TENM2: variants seen among roughly 807,000 people sequenced by gnomAD.
TENM2 encodes teneurin-2.
A neutral mutation model predicts 245.2 loss-of-function variants in TENM2; 52 were observed. The observed-to-expected ratio is 0.21, with a 90% CI of 0.17 to 0.27. TENM2 has a LOEUF of 0.27. TENM2 is among the 10% of genes least tolerant of loss of function. The probability of loss-of-function intolerance (pLI) is 1.00; values close to 1 mark genes in which losing one functional copy is unlikely to be tolerated. For synonymous variants in TENM2, 1,363 were observed against 1,438.9 expected (o/e 0.95, Z 1.19); for missense variants, 3,046 against 3,666.8 (o/e 0.83, Z 4.37).
the TENM2 span, among the ~76,000 whole-genome samples, chr5:167,079,596 A>G: frequency 6.6e-6 from 1 of 151,250 alleles, no homozygotes; most frequent in South Asian, 2.1e-4. Context: ...TACAGGCATG[A>G]GCCACCACAC....
intron 23 of TENM2, among the ~76,000 whole-genome samples, chr5:168,219,450 G>A (rs1328378522): frequency 2.6e-5 from 4 of 152,186 alleles, no homozygotes; most frequent in Non-Finnish European, 5.9e-5. Flanking sequence ...CTTAGCAGAA[G>A]CAGATCGATA....
chr5:167,835,914 A>G lies in TENM2; in HGVS notation c.503-40072A>G, dbSNP rs112577837. On this transcript the variant is annotated intron_variant, in intron 2 of 28. Coordinates refer to ENST00000518659, the Ensembl canonical transcript of TENM2. ...AGGAAGAACACTCAATTGATAAAAC[A>G]ACAGTTACCCCTGGGAAGTGCAAGT... is the stretch of plus-strand genomic sequence containing the variant. Among the ~76,000 whole-genome samples, 42 of 152,316 alleles carry G rather than the reference A, an allele frequency of 2.8e-4. 1 individual carries two copies. Among genetic ancestry groups the G allele is most frequent in the African/African-American group, 9.6e-4 (40 of 41,584 alleles).
intron 2 of TENM2, among the ~76,000 whole-genome samples, chr5:167,385,527 G>T: frequency 1.4e-5 from 2 of 148,126 alleles, no homozygotes. Flanking sequence ...TACTTCCATA[G>T]GTTATTGGAG....
intron 13 of TENM2, among the ~76,000 whole-genome samples, chr5:168,189,754 GT>G (rs1007846724): frequency 3.9e-5 from 6 of 151,942 alleles, no homozygotes; most frequent in African/African-American, 1.2e-4. Flanking sequence ...ATGCATTTTA[GT>G]TTTTTTTAAT....
intron 2 of TENM2, among the ~76,000 whole-genome samples, chr5:167,692,292 C>A (rs1194680780): frequency 6.6e-6 from 1 of 152,150 alleles, no homozygotes; most frequent in Non-Finnish European, 1.5e-5. Flanking sequence ...AAGGCAATTG[C>A]CCCCATTCAC....
chr5:167,067,143 T>G, the TENM2 span, among the ~76,000 whole-genome samples: 1 of 152,224 alleles, frequency 6.6e-6, no homozygotes, highest in Admixed American at 6.5e-5. Flanking sequence ...CTCGTATTTA[T>G]TCATTCAGAA....
intron 14 of TENM2, among the ~76,000 whole-genome samples, chr5:168,192,141 C>A (rs116675829): frequency 6.6e-6 from 1 of 152,200 alleles, no homozygotes; most frequent in African/African-American, 2.4e-5. Flanking sequence ...TATTTAAATA[C>A]GTAAAAGTTG....
chr5:168,247,269 T>G lies in TENM2; in HGVS notation c.6330T>G (p.Thr2110=). 6.2e-7 allele frequency: 1 copy of G among 1,613,840 alleles called. No homozygotes were observed. The change falls in exon 27 of 29, where the codon ACT becomes ACG. Residue 2110 remains threonine, a synonymous_variant. Coordinates refer to ENST00000518659, the Ensembl canonical transcript of TENM2. The surrounding 1 kb of genome is among the most constrained non-coding windows in gnomAD (Gnocchi z 7.8). ...GCATCAAGCCCGTCATAAGTGAGAC[T>G]CCCCTCCCCGTTGACCTCTACCGCT...
chr5:167,203,562 A>G, the TENM2 span, among the ~76,000 whole-genome samples: 1 of 152,168 alleles, frequency 6.6e-6, no homozygotes, highest in African/African-American at 2.4e-5. Flanking sequence ...TTTCTTTCAT[A>G]ACAACTGGAG....
chr5:168,012,756 A>G (rs560658833), intron 5 of TENM2, among the ~76,000 whole-genome samples: 12 of 139,328 alleles, frequency 8.6e-5, no homozygotes, highest in Non-Finnish European at 1.7e-4. Context: ...TTTCAGCTGT[A>G]AGTTATCAAG....
chr5:167,380,291 CA>C (rs1335767526), intron 2 of TENM2, among the ~76,000 whole-genome samples: 1 of 152,048 alleles, frequency 6.6e-6, no homozygotes, highest in Non-Finnish European at 1.5e-5. Context: ...AACATACAAC[CA>C]GAGGCAAAAT....
chr5:167,853,374 G>A (rs961458170), intron 2 of TENM2, among the ~76,000 whole-genome samples: 2 of 149,366 alleles, frequency 1.3e-5, no homozygotes, highest in Non-Finnish European at 3.0e-5. Flanking sequence ...TGGCACTAAT[G>A]AGTTTTCAAA....
At chr5:167,826,137 T>TA (rs1767959080) in intron 2 of TENM2, among the ~76,000 whole-genome samples, 1 of 152,122 alleles carries the variant, frequency 6.6e-6, no homozygotes. Context: ...GACAAAATCA[T>TA]CCACCCAAAA....
intron 5 of TENM2, among the ~76,000 whole-genome samples, chr5:168,022,710 G>T (rs928999248): frequency 1.3e-5 from 2 of 152,214 alleles, no homozygotes; most frequent in Non-Finnish European, 2.9e-5. Flanking sequence ...ACTCAGCTTA[G>T]TTATACAAAA....
At chr5:167,405,769 A>ACACACACACACACACACACACAC (rs1762599972) in intron 2 of TENM2, among the ~76,000 whole-genome samples, 1 of 145,186 alleles carries the variant, frequency 6.9e-6, no homozygotes, top group Non-Finnish European at 1.5e-5. Flanking sequence ...CACACACACA[A>ACACACACACACACACACACACAC]ACACACACAC....
At chr5:167,367,339 A>T (rs1760119392) in intron 1 of TENM2, among the ~76,000 whole-genome samples, 1 of 152,202 alleles carries the variant, frequency 6.6e-6, no homozygotes, top group Non-Finnish European at 1.5e-5. Flanking sequence ...GGTGTCATAT[A>T]TTAAAAAATG....
intron 2 of TENM2, among the ~76,000 whole-genome samples, chr5:167,438,191 C>G (rs185337156): frequency 6.6e-6 from 1 of 152,144 alleles, no homozygotes; most frequent in Admixed American, 6.5e-5. Context: ...ATACTCCATC[C>G]AAAATGAACT....
the TENM2 span, among the ~76,000 whole-genome samples, chr5:167,115,393 G>T: frequency 6.6e-6 from 1 of 152,102 alleles, no homozygotes; most frequent in Non-Finnish European, 1.5e-5. Flanking sequence ...TTCTTGATAC[G>T]AAGGGCTGCA....
intron 5 of TENM2, among the ~76,000 whole-genome samples, chr5:168,035,659 C>T (rs550158204): frequency 3.3e-5 from 5 of 152,296 alleles, no homozygotes; most frequent in African/African-American, 1.2e-4. Flanking sequence ...TTCTTTCTGA[C>T]AGATCTAGAG....
Sources: allele counts gnomAD v4.1 joint callset (sites outside exome capture counted in the v4.1 genomes callset), GRCh38; gene constraint gnomAD v4.1.1; non-coding constraint Gnocchi (gnomAD v3.1); transcripts MANE v1.5; gene names NCBI Gene and HGNC (gene_info 2026-07-23, HGNC 2026-07-21).